Variants in CCS observed in about 807,000 individuals in gnomAD.
The protein encoded by CCS is copper chaperone for superoxide dismutase.
CCS carries 32 observed loss-of-function variants against 35.5 expected under a neutral mutation model. The ratio of observed to expected loss-of-function variants is 0.90; its 90% CI spans 0.68 to 1.21. The LOEUF (loss-of-function observed/expected upper bound fraction) is 1.21. Ranked by LOEUF, CCS falls within the 50% of genes most tolerant of loss-of-function variation. The pLI is 0.00. For missense variants in CCS, 342 were observed against 375.4 expected (o/e 0.91, Z 0.73); for synonymous variants, 130 against 147.2 (o/e 0.88, Z 0.84).
chr11:66,599,647 T>C lies in CCS; in HGVS notation c.428+11T>C, dbSNP rs767514124. 4 of 1,610,516 alleles carry C rather than the reference T, an allele frequency of 2.5e-6. No homozygotes were observed. The South Asian group carries it at 4.4e-5, about 18-fold the overall frequency. Reference sequence around the variant, plus strand: ...AAACAACTGCAACAGGTGAGTTGTCTGAAGTCTCCCCAGTAGCATTCTCAG... The same window carrying C: ...AAACAACTGCAACAGGTGAGTTGTCCGAAGTCTCCCCAGTAGCATTCTCAG... On this transcript the variant is annotated intron_variant, in intron 4 of 7. Coordinates refer to ENST00000533244, the MANE Select transcript of CCS (RefSeq NM_005125.2).
At chr11:66,594,410 C>G (rs1274585757) in intron 2 of CCS, among the ~76,000 whole-genome samples, 3 of 151,884 alleles carry the variant, frequency 2.0e-5, no homozygotes, top group African/African-American at 7.3e-5. Flanking sequence ...GGTGACCTGG[C>G]ACAATGAGAA....
At chr11:66,602,838 C>G (rs928633279) in intron 5 of CCS, among the ~76,000 whole-genome samples, 10 of 152,232 alleles carry the variant, frequency 6.6e-5, no homozygotes, top group Non-Finnish European at 1.5e-4. Context: ...AAGAACTGAG[C>G]AGGAGCTGAC....
In CCS at chr11:66,603,825, G is replaced by A. The variant is rs191589969; in HGVS notation, c.490-1514G>A. 2.8e-3 allele frequency among the ~76,000 whole-genome samples: 415 copies of A among 147,908 alleles called. 1 individual carries two copies. The highest frequency in any genetic ancestry group is 1.0e-2 in the African/African-American group (399 of 40,028). ...CGCGCCACTGCACTCCAGCCTGGGC[G>A]ACAGAGCAAGACTCCATCTCAACAA... On this transcript the variant is annotated intron_variant, in intron 5 of 7. Transcript: ENST00000533244.
chr11:66,596,068 C>T (rs1374634476), intron 2 of CCS, among the ~76,000 whole-genome samples: 2 of 152,210 alleles, frequency 1.3e-5, no homozygotes, highest in African/African-American at 4.8e-5. Flanking sequence ...CCTCTAATAG[C>T]TTTTGCACAT....
chr11:66,599,696 T>G, intron 4 of CCS, 60 bp downstream of exon 4: 44 of 1,448,460 alleles, frequency 3.0e-5, no homozygotes, highest in Non-Finnish European at 4.0e-5. Context: ...CACTGGGCCC[T>G]CACCAATACT....
chr11:66,595,116 C>CTGTTTCTTCTTCTTCT (rs1348378527), intron 2 of CCS, among the ~76,000 whole-genome samples: 2 of 152,218 alleles, frequency 1.3e-5, no homozygotes, highest in Admixed American at 1.3e-4. Flanking sequence ...TCTGTTTCTT[C>CTGTTTCTTCTTCTTCT]TGTGTTAAAT....
intron 5 of CCS, among the ~76,000 whole-genome samples, chr11:66,603,765 G>A (rs1026387283): frequency 6.6e-6 from 1 of 152,178 alleles, no homozygotes; most frequent in Non-Finnish European, 1.5e-5. Flanking sequence ...AGAATAGCGT[G>A]AACCTGGGAG....
At chr11:66,603,593 T>C (rs1455985718) in intron 5 of CCS, among the ~76,000 whole-genome samples, 2 of 150,784 alleles carry the variant, frequency 1.3e-5, no homozygotes, top group African/African-American at 2.4e-5. Flanking sequence ...ATGCCTGTAA[T>C]CCCAGCACTT....
intron 5 of CCS, 120 bp from the exon 6 acceptor site, chr11:66,605,219 A>T: frequency 6.5e-7 from 1 of 1,549,114 alleles, no homozygotes. Flanking sequence ...ACTGGTACCC[A>T]CAGGAGGAAA....
intron 2 of CCS, among the ~76,000 whole-genome samples, chr11:66,595,101 G>C (rs916437033): frequency 6.6e-6 from 1 of 152,162 alleles, no homozygotes; most frequent in Non-Finnish European, 1.5e-5. Context: ...GTTACTTTTT[G>C]TGTCTCTGTT....
intron 5 of CCS, among the ~76,000 whole-genome samples, chr11:66,603,713 G>A (rs1858606367): frequency 6.6e-6 from 1 of 152,220 alleles, no homozygotes; most frequent in African/African-American, 2.4e-5. Flanking sequence ...AGGCGTGGTG[G>A]CGGGCGCCTG....
At chr11:66,600,387 G>T in intron 4 of CCS, 102 bp from the exon 5 acceptor site, 1 of 697,692 alleles carries the variant, frequency 1.4e-6, no homozygotes. Flanking sequence ...TTTGTTGAAT[G>T]AATGAATGAA....
chr11:66,599,447 A>G lies in CCS; in HGVS notation c.251-12A>G, dbSNP rs753964677. Reference sequence around the variant, plus strand: ...AGGTGGCAAGCCAGCCCAAGTGTCTAATACCTTGCAGAGAATCTGGGGGCA... The same window carrying G: ...AGGTGGCAAGCCAGCCCAAGTGTCTGATACCTTGCAGAGAATCTGGGGGCA... On this transcript the variant is annotated splice_polypyrimidine_tract_variant and intron_variant, in intron 3 of 7. Coordinates refer to ENST00000533244, the MANE Select transcript of CCS (RefSeq NM_005125.2). The G allele has an allele frequency of 6.6e-7, 1 of 1,526,394 alleles. No individual in the cohort carries two copies. The highest frequency in any genetic ancestry group is 1.4e-5 in the African/African-American group (1 of 71,594). 94.6% of individuals were successfully genotyped at this position (1,526,394 alleles called of 1,614,324 possible).
At chr11:66,605,260 C>A in intron 5 of CCS, 79 bp from the exon 6 acceptor site, 1 of 1,590,966 alleles carries the variant, frequency 6.3e-7, no homozygotes. Flanking sequence ...GAAGAGGCGT[C>A]GGAATCAGGA....
chr11:66,599,108 C>G lies in CCS; in HGVS notation c.113-8C>G. The G allele has an allele frequency of 6.2e-7, 1 of 1,614,158 alleles. No individual in the cohort carries two copies. The highest frequency in any genetic ancestry group is 1.3e-5 in the African/African-American group (1 of 75,056). ...CTCTGTTGCCCTCTTCCCTCTCTTTCTTGCCAGGTGTCCAGGATGTGGAGG... is the reference window on the plus strand; with the variant it reads ...CTCTGTTGCCCTCTTCCCTCTCTTTGTTGCCAGGTGTCCAGGATGTGGAGG... On this transcript the variant is annotated splice_polypyrimidine_tract_variant and splice_region_variant and intron_variant, in intron 2 of 7. Transcript: ENST00000533244.
chr11:66,605,078 T>C lies in CCS; in HGVS notation c.490-261T>C, dbSNP rs545340723. ...ACTGGCTCTTTTCAGCCCACTGTCA[T>C]CCTGCCCAGGATTTCAGTTCCAGGG... On this transcript the variant is annotated intron_variant, in intron 5 of 7. Coordinates refer to ENST00000533244, the MANE Select transcript of CCS (RefSeq NM_005125.2). The C allele has an allele frequency of 7.7e-6, 11 of 1,434,866 alleles. No homozygotes were observed. In the South Asian group the frequency reaches 1.1e-4, roughly 14 times the overall value. The allele number at this position is 1,434,866 out of a possible 1,614,324, so 88.9% of individuals were successfully genotyped here.
At chr11:66,600,012 A>T (rs1858547112) in intron 4 of CCS, 1 of 203,264 alleles carries the variant, frequency 4.9e-6, no homozygotes, top group South Asian at 7.4e-5. Flanking sequence ...CCCAGCTACT[A>T]GGGAGGCCCG....
At chr11:66,594,659 C>T (rs543657639) in intron 2 of CCS, among the ~76,000 whole-genome samples, 1 of 151,996 alleles carries the variant, frequency 6.6e-6, no homozygotes, top group Non-Finnish European at 1.5e-5. Flanking sequence ...TCCTGTAGTC[C>T]CAGCTACTGG....
At position 66,593,692 on chromosome 11, in the gene CCS, C is replaced by T; in HGVS notation, c.90C>T (p.Arg30=). 6.2e-7 allele frequency: 1 copy of T among 1,614,058 alleles called. No individual in the cohort carries two copies. The highest frequency in any genetic ancestry group is 8.5e-7 in the Non-Finnish European group (1 of 1,180,012). The change falls in exon 2 of 8, where the codon CGC becomes CGT. Residue 30 remains arginine (R), a synonymous_variant. Transcript: ENST00000533244. The part of the protein sequence containing the change: ...MTCQSCVDAV[R]KSLQGVAGVQ... ...GTCAGAGCTGTGTGGACGCGGTGCG[C>T]AAATCCCTGCAAGGGGTGGCAGGTA... is the stretch of plus-strand genomic sequence containing the variant.
Sources: gnomAD v4.1 joint callset for allele counts (sites outside exome capture counted in the v4.1 genomes callset) on GRCh38, gnomAD v4.1.1 for gene constraint, MANE v1.5 for transcripts, NCBI Gene and HGNC (gene_info 2026-07-23, HGNC 2026-07-21) for gene names.